Variants in LINGO2 observed in about 807,000 individuals in gnomAD.
The protein encoded by LINGO2 is leucine-rich repeat and immunoglobulin-like domain-containing nogo receptor-interacting protein 2.
Under a neutral mutation model 30.6 loss-of-function variants are expected in LINGO2, and 14 were observed. The observed-to-expected ratio is 0.46, with a 90% CI of 0.30 to 0.72. The LOEUF (loss-of-function observed/expected upper bound fraction) is 0.72. Ranked by LOEUF, LINGO2 falls within the 30% of genes least tolerant of loss-of-function variation. LINGO2 has a pLI of 0.07. For synonymous variants in LINGO2, 317 were observed against 288.5 expected, an observed-to-expected ratio of 1.10 and a Z score of -1.00; for missense variants, 729 against 751.7, an observed-to-expected ratio of 0.97 and a Z score of 0.35.
chr9:28,531,084 T>TA (rs1261837808), intron 1 of LINGO2, among the ~76,000 whole-genome samples: 1 of 148,722 alleles, frequency 6.7e-6, no homozygotes, highest in Non-Finnish European at 1.5e-5. Flanking sequence ...AATTCCAAAT[T>TA]AATAAGACTG....
At chr9:29,113,137 G>T in the LINGO2 span, among the ~76,000 whole-genome samples, 1 of 152,120 alleles carries the variant, frequency 6.6e-6, no homozygotes, top group African/African-American at 2.4e-5. Context: ...AATAAACCAT[G>T]CATGGATTTC....
intron 1 of LINGO2, among the ~76,000 whole-genome samples, chr9:28,511,988 A>G (rs966793823): frequency 6.6e-6 from 1 of 152,156 alleles, no homozygotes; most frequent in Non-Finnish European, 1.5e-5. Context: ...AACTGATCAT[A>G]GAGAACTCCC....
intron 4 of LINGO2, among the ~76,000 whole-genome samples, chr9:28,202,394 T>A (rs1440494431): frequency 6.6e-6 from 1 of 152,088 alleles, no homozygotes; most frequent in Non-Finnish European, 1.5e-5. Context: ...CCATCAGCTA[T>A]CCACTCTTTG....
chr9:28,132,596 C>T (rs546438239), intron 4 of LINGO2, among the ~76,000 whole-genome samples: 14 of 152,280 alleles, frequency 9.2e-5, no homozygotes, highest in African/African-American at 2.9e-4. Flanking sequence ...TGAGGTAGAA[C>T]GTTAACAAAA....
intron 4 of LINGO2, chr9:28,081,120 T>A (rs1455226758): frequency 2.6e-5 from 4 of 152,194 alleles, no homozygotes; most frequent in Non-Finnish European, 5.9e-5. Flanking sequence ...TAATTCTTTC[T>A]TGTGCGGGCT....
At chr9:28,108,830 A>G (rs1023927427) in intron 4 of LINGO2, among the ~76,000 whole-genome samples, 1 of 152,134 alleles carries the variant, frequency 6.6e-6, no homozygotes, top group Non-Finnish European at 1.5e-5. Flanking sequence ...TTTGTAGATG[A>G]GGAAACTCAG....
At chr9:28,673,290 T>C (rs774055726), upstream of LINGO2, among the ~76,000 whole-genome samples, 1 of 152,154 alleles carries the variant, frequency 6.6e-6, no homozygotes, top group Non-Finnish European at 1.5e-5. Context: ...CAGGCCCAGA[T>C]GTAATCCTAG....
intron 2 of LINGO2, among the ~76,000 whole-genome samples, chr9:28,390,668 C>A (rs1240594082): frequency 3.9e-5 from 6 of 152,088 alleles, no homozygotes; most frequent in Non-Finnish European, 8.8e-5. Context: ...CCTAAACCTT[C>A]CTGTGCTCCT....
At chr9:28,622,449 T>A (rs1228485139) in intron 1 of LINGO2, among the ~76,000 whole-genome samples, 1 of 152,096 alleles carries the variant, frequency 6.6e-6, no homozygotes, top group Non-Finnish European at 1.5e-5. Flanking sequence ...TTACAATGTT[T>A]GTCTTTCTGT....
At chr9:28,679,614 G>A in the LINGO2 span, among the ~76,000 whole-genome samples, 1 of 151,986 alleles carries the variant, frequency 6.6e-6, no homozygotes, top group Non-Finnish European at 1.5e-5. Flanking sequence ...CTTTACACTT[G>A]TGAAACAACC....
intron 4 of LINGO2, among the ~76,000 whole-genome samples, chr9:28,117,170 A>G (rs1056430446): frequency 0.02 from 2,883 of 144,880 alleles, 38 homozygotes; most frequent in Non-Finnish European, 0.03. Context: ...ATACTCTGCC[A>G]TGTGAGGTGT....
intron 4 of LINGO2, among the ~76,000 whole-genome samples, chr9:28,266,345 A>C (rs1381520843): frequency 6.6e-6 from 1 of 151,992 alleles, no homozygotes; most frequent in East Asian, 1.9e-4. Context: ...GAAAGTTACA[A>C]TTTTCAAGTG....
intron 4 of LINGO2, among the ~76,000 whole-genome samples, chr9:28,248,978 G>A (rs1253752028): frequency 3.3e-5 from 5 of 152,038 alleles, no homozygotes; most frequent in African/African-American, 7.2e-5. Context: ...CAGGAACAGT[G>A]CTTTTCTAGG....
chr9:28,798,472 G>A, the LINGO2 span, among the ~76,000 whole-genome samples: 1 of 152,066 alleles, frequency 6.6e-6, no homozygotes, highest in Non-Finnish European at 1.5e-5. Flanking sequence ...AGATGTGATG[G>A]TGAGAGAAGG....
chr9:28,450,004 C>T (rs1233476938), intron 2 of LINGO2, among the ~76,000 whole-genome samples: 2 of 151,976 alleles, frequency 1.3e-5, no homozygotes, highest in African/African-American at 2.4e-5. Flanking sequence ...CACCATTCCG[C>T]ATTACTCATG....
intron 5 of LINGO2, among the ~76,000 whole-genome samples, chr9:27,990,938 G>T (rs1302184280): frequency 6.6e-6 from 1 of 152,008 alleles, no homozygotes; most frequent in Non-Finnish European, 1.5e-5. Context: ...GAAGAAACCA[G>T]GGAGTTCAGA....
intron 1 of LINGO2, among the ~76,000 whole-genome samples, chr9:28,550,389 T>A (rs750826218): frequency 6.6e-6 from 1 of 151,914 alleles, no homozygotes; most frequent in Non-Finnish European, 1.5e-5. Context: ...CTTCATCTGA[T>A]CTTCTGTTTA....
intron 4 of LINGO2, among the ~76,000 whole-genome samples, chr9:28,094,428 G>T (rs1267631360): frequency 6.6e-6 from 1 of 151,896 alleles, no homozygotes; most frequent in African/African-American, 2.4e-5. Flanking sequence ...TATAAGAAAG[G>T]CCATCTTGAA....
chr9:28,353,578 T>G (rs1011387738), intron 3 of LINGO2, among the ~76,000 whole-genome samples: 4 of 150,852 alleles, frequency 2.7e-5, no homozygotes, highest in Non-Finnish European at 5.9e-5. Context: ...GTTCAACCAT[T>G]GTGGAAGTCA....
Sources: gnomAD v4.1 joint callset for allele counts (sites outside exome capture counted in the v4.1 genomes callset) on GRCh38, gnomAD v4.1.1 for gene constraint, MANE v1.5 for transcripts, NCBI Gene and HGNC (gene_info 2026-07-23, HGNC 2026-07-21) for gene names.